Variants in SUDS3 observed in about 807,000 individuals in gnomAD.
The protein encoded by SUDS3 is sin3 histone deacetylase corepressor complex component SDS3.
Under a neutral mutation model 53.5 loss-of-function variants are expected in SUDS3, and 23 were observed. That is an observed-to-expected ratio of 0.43 (90% CI 0.31 to 0.61). The LOEUF (loss-of-function observed/expected upper bound fraction) is 0.61. Ranked by LOEUF, SUDS3 falls within the 20% of genes least tolerant of loss-of-function variation. The pLI is 0.10. For missense variants in SUDS3, 291 were observed against 405.9 expected, an observed-to-expected ratio of 0.72 and a Z score of 2.43; for synonymous variants, 150 against 148.5, an observed-to-expected ratio of 1.01 and a Z score of -0.08.
chr12:118,394,703 A>T (rs1174833736), intron 6 of SUDS3, among the ~76,000 whole-genome samples: 1 of 152,166 alleles, frequency 6.6e-6, no homozygotes, highest in Non-Finnish European at 1.5e-5. Flanking sequence ...TGATTTATTT[A>T]AAGACAGGGT....
chr12:118,395,219 T>G (rs1023635175), intron 6 of SUDS3, among the ~76,000 whole-genome samples: 5 of 97,676 alleles, frequency 5.1e-5, no homozygotes, highest in Admixed American at 1.1e-4. Flanking sequence ...AATCAGGGTT[T>G]TTTTTTTTTT....
chr12:118,395,676 T>C (rs2046208431), intron 6 of SUDS3, among the ~76,000 whole-genome samples: 2 of 151,950 alleles, frequency 1.3e-5, no homozygotes, highest in African/African-American at 4.8e-5. Flanking sequence ...AGACCTAACA[T>C]TAATTCTTGT....
At chr12:118,380,318 A>G in intron 2 of SUDS3, 87 bp downstream of exon 2, 13 of 1,190,398 alleles carry the variant, frequency 1.1e-5, no homozygotes, top group Non-Finnish European at 1.5e-5. Flanking sequence ...GAAATCTCAG[A>G]TGCTCCAAAA....
chr12:118,406,986 C>A (rs1056574394), intron 10 of SUDS3, among the ~76,000 whole-genome samples: 3 of 151,472 alleles, frequency 2.0e-5, no homozygotes, highest in Non-Finnish European at 4.4e-5. Flanking sequence ...AGCCTTGATC[C>A]CCCTGGCTCA....
chr12:118,414,445 GCTCTT>G lies in SUDS3; in HGVS notation c.*18_*22del. 1 of 1,559,978 alleles carries G rather than the reference GCTCTT, an allele frequency of 6.4e-7. No individual in the cohort carries two copies. Among genetic ancestry groups the G allele is most frequent in the Non-Finnish European group, 8.7e-7 (1 of 1,155,318 alleles). ...GCTCAGCTGCTTGACTTTCTACAGTGCTCTTCTCTTGACCCTTTTTCTGGAGTGGG... is the reference window on the plus strand; with the variant it reads ...GCTCAGCTGCTTGACTTTCTACAGTGCTCTTGACCCTTTTTCTGGAGTGGG... On this transcript the variant is annotated 3_prime_UTR_variant, in exon 12 of 12. Transcript: ENST00000543473.
In SUDS3 at chr12:118,414,994, C is replaced by T. The variant is rs2046388025; in HGVS notation, c.*561C>T. ...TCAGAGAAATAAATGCTTTGTGTAACATCTGTGCACACCATCCATTCCGCT... is the reference window on the plus strand; with the variant it reads ...TCAGAGAAATAAATGCTTTGTGTAATATCTGTGCACACCATCCATTCCGCT... On this transcript the variant is annotated 3_prime_UTR_variant, in exon 12 of 12. Coordinates refer to ENST00000543473, the MANE Select transcript of SUDS3 (RefSeq NM_022491.3). 1 of 152,358 alleles carries T rather than the reference C, an allele frequency of 6.6e-6. No individual in the cohort carries two copies. The highest frequency in any genetic ancestry group is 2.4e-5 in the African/African-American group (1 of 41,454). The allele number at this position is 152,358 out of a possible 1,614,324, so 9.4% of individuals were successfully genotyped here.
Position 118,402,012 on chromosome 12 carries a change from C to A in SUDS3, c.697+8C>A. Reference sequence around the variant, plus strand: ...AGTCACCCAAGAGACCAGGTGAGTGCATGATGTGTTGGCATTTGTGCAACC... The same window carrying A: ...AGTCACCCAAGAGACCAGGTGAGTGAATGATGTGTTGGCATTTGTGCAACC... On this transcript the variant is annotated splice_region_variant and intron_variant, in intron 9 of 11. Transcript: ENST00000543473. 1 of 1,613,906 alleles carries A rather than the reference C, an allele frequency of 6.2e-7. No individual in the cohort carries two copies. The highest frequency in any genetic ancestry group is 8.5e-7 in the Non-Finnish European group (1 of 1,179,836).
rs1411757672 is a variant in SUDS3, at chr12:118,376,787, C to A, written c.96C>A (p.Ser32Arg). 2 of 1,552,862 alleles carry A rather than the reference C, an allele frequency of 1.3e-6. No individual in the cohort carries two copies. Among genetic ancestry groups the A allele is most frequent in the Admixed American group, 1.9e-5 (1 of 52,860 alleles). ...CCGAGGAGGATGAAGAGCTGGAGAGCGCCGAGGACGACGAGCGCAGCTGTC... is the reference window on the plus strand; with the variant it reads ...CCGAGGAGGATGAAGAGCTGGAGAGAGCCGAGGACGACGAGCGCAGCTGTC... ...YYPEEDEELESAEDDERSCRG... is the reference protein window; with the variant it reads ...YYPEEDEELERAEDDERSCRG... The change falls in exon 1 of 12, where the codon AGC becomes AGA. Residue 32 changes from serine to arginine, a missense_variant. Physicochemically the swap from Ser to Arg is moderately radical, Grantham distance 110 (BLOSUM62 -1). Transcript: ENST00000543473.
At chr12:118,394,121 C>T (rs140401661) in intron 6 of SUDS3, among the ~76,000 whole-genome samples, 60 of 152,296 alleles carry the variant, frequency 3.9e-4, no homozygotes, top group African/African-American at 1.3e-3. Context: ...TTAGAGCTAA[C>T]TTTGCAGGCT....
At position 118,388,454 on chromosome 12, in the gene SUDS3, T is replaced by G. The variant is rs145638730; in HGVS notation, c.341-1473T>G. On this transcript the variant is annotated intron_variant, in intron 4 of 11. Coordinates refer to ENST00000543473, the MANE Select transcript of SUDS3 (RefSeq NM_022491.3). ...CAGCCCCCTGTCACCCAGGAAAGAG[T>G]AGAAGCCATGGAGCAATTTTGCTTC... Among the ~76,000 whole-genome samples, 572 of 152,010 alleles carry G rather than the reference T, an allele frequency of 3.8e-3. 1 individual carries two copies. Among genetic ancestry groups the G allele is most frequent in the African/African-American group, 0.013 (528 of 41,458 alleles).
chr12:118,401,726 A>G lies in SUDS3; in HGVS notation c.614-33A>G, dbSNP rs200306114. 1.1e-4 allele frequency: 168 copies of G among 1,585,112 alleles called. 2 individuals are homozygous for G. In the East Asian group the frequency reaches 2.0e-3, roughly 19 times the overall value. ...TGATTACTCTTTGCCTGGAAACTGT[A>G]CTTTTCACATACAGTCCTTTAACTC... On this transcript the variant is annotated intron_variant, in intron 7 of 11. Transcript: ENST00000543473.
At chr12:118,381,359 C>T (rs2141360154) in intron 2 of SUDS3, among the ~76,000 whole-genome samples, 1 of 151,780 alleles carries the variant, frequency 6.6e-6, no homozygotes, top group East Asian at 1.9e-4. Context: ...CATGCACCAC[C>T]ATGCCCGGCT....
intron 4 of SUDS3, among the ~76,000 whole-genome samples, chr12:118,386,521 A>C (rs1002363099): frequency 3.3e-5 from 5 of 150,754 alleles, no homozygotes; most frequent in Non-Finnish European, 7.4e-5. Context: ...GAGGAAAAGG[A>C]TTGTAGGTTG....
intron 10 of SUDS3, 118 bp from the exon 11 acceptor site, chr12:118,410,955 G>T: frequency 1.2e-6 from 1 of 843,646 alleles, no homozygotes; most frequent in South Asian, 1.5e-5. Flanking sequence ...CCTCAAATGT[G>T]AATTATTAAG....
At chr12:118,381,603 G>T (rs981237238) in intron 2 of SUDS3, among the ~76,000 whole-genome samples, 1 of 151,938 alleles carries the variant, frequency 6.6e-6, no homozygotes, top group African/African-American at 2.4e-5. Flanking sequence ...CCAGGCTGGT[G>T]TCAAAACTCT....
intron 6 of SUDS3, among the ~76,000 whole-genome samples, chr12:118,395,073 G>T (rs775112570): frequency 2.6e-5 from 4 of 152,142 alleles, no homozygotes; most frequent in African/African-American, 7.2e-5. Flanking sequence ...ATGCTAATGA[G>T]TAGCTATTTG....
At chr12:118,397,479 A>AG (rs1425852182) in intron 6 of SUDS3, among the ~76,000 whole-genome samples, 4 of 152,262 alleles carry the variant, frequency 2.6e-5, no homozygotes, top group Non-Finnish European at 5.9e-5. Context: ...CGTTGGAGCA[A>AG]GGTGACTTAA....
intron 10 of SUDS3, among the ~76,000 whole-genome samples, chr12:118,407,206 A>T (rs1213877828): frequency 6.6e-6 from 1 of 152,110 alleles, no homozygotes; most frequent in Non-Finnish European, 1.5e-5. Context: ...TTAATATCTA[A>T]GGACTTATCT....
chr12:118,401,911 G>T, intron 8 of SUDS3, 72 bp from the exon 9 acceptor site: 1 of 1,599,720 alleles, frequency 6.3e-7, no homozygotes, highest in South Asian at 1.1e-5. Flanking sequence ...TAATCATTAT[G>T]ATACCTTTGA....
Sources: allele counts gnomAD v4.1 joint callset (sites outside exome capture counted in the v4.1 genomes callset), GRCh38; gene constraint gnomAD v4.1.1; transcripts MANE v1.5; gene names NCBI Gene and HGNC (gene_info 2026-07-23, HGNC 2026-07-21).